Variants in OBSL1 observed in about 807,000 individuals in gnomAD.
OBSL1 encodes the protein obscurin-like protein 1.
OBSL1 carries 160 observed loss-of-function variants against 172.0 expected under a neutral mutation model. The ratio of observed to expected loss-of-function variants is 0.93; its 90% CI spans 0.82 to 1.06. The LOEUF (loss-of-function observed/expected upper bound fraction) is 1.06, where lower values mean the gene tolerates loss of function less well. Ranked by LOEUF, OBSL1 falls within the 50% of genes least tolerant of loss-of-function variation. The pLI, the probability that OBSL1 is intolerant of heterozygous loss-of-function variation, is 0.00. For synonymous variants in OBSL1, 1,200 were observed against 1,196.3 expected (o/e 1.00, Z -0.06); for missense variants, 2,681 against 2,715.4 (o/e 0.99, Z 0.28).
Position 219,557,616 on chromosome 2 carries a change from G to T in OBSL1, c.3793C>A (p.Pro1265Thr), listed in dbSNP as rs1278650927. Residue 1265 changes from proline (P) to threonine (T), a missense_variant and splice_region_variant, in exon 12 of 21, where the codon CCC becomes ACC. By Grantham distance (38) the Pro-to-Thr change is conservative. Transcript: ENST00000404537. ...TCGGGAGCTACCACCCGCACAGGGGGCTCTGTGGAGTCAGAGCTGGAGGTC... is the reference window on the plus strand; with the variant it reads ...TCGGGAGCTACCACCCGCACAGGGGTCTCTGTGGAGTCAGAGCTGGAGGTC... ...SLSFTVQVAE[P>T]PVRVVAPEAA... 2.0e-6 allele frequency: 3 copies of T among 1,535,338 alleles called. No homozygotes were observed. Among genetic ancestry groups the T allele is most frequent in the Non-Finnish European group, 2.6e-6 (3 of 1,137,652 alleles).
In OBSL1 at chr2:219,550,881, G is replaced by T. The variant is rs777822521; in HGVS notation, c.5684-39C>A. ...ACTCCACATGGGGCTGGGGAGAGAA[G>T]GGGGTACCACCTTCCTCTCCCCTGG... On this transcript the variant is annotated intron_variant, in intron 20 of 20. Coordinates refer to ENST00000404537, the MANE Select transcript of OBSL1 (RefSeq NM_015311.3). 8 of 1,604,392 alleles carry T rather than the reference G, an allele frequency of 5.0e-6. No homozygotes were observed. In the East Asian group the frequency reaches 1.6e-4, roughly 32 times the overall value.
At chr2:219,565,551 C>G (rs373904794) in intron 5 of OBSL1, 37 bp from the exon 6 acceptor site, 6 of 1,587,882 alleles carry the variant, frequency 3.8e-6, no homozygotes, top group Non-Finnish European at 3.4e-6. Flanking sequence ...ACCCCTCCCT[C>G]CGGTGCATGG....
At position 219,567,534 on chromosome 2, in the gene OBSL1, T is replaced by C; in HGVS notation, c.1576A>G (p.Met526Val). ...ACCGTGTTCTTGTGGCCCTTGAACA[T>C]CTCTGCCAATATGGGGGGTCCTGGG... ...SPPGPPILAE[M>V]FKGHKNTVLL... Residue 526 changes from methionine to valine, a missense_variant, in exon 4 of 21, where the codon ATG becomes GTG. Met to Val is a conservative substitution (Grantham distance 21). Around this residue, in one of 5 missense-constraint regions of OBSL1, gnomAD observed 706 missense variants for 695.8 expected, o/e 1.01. Coordinates refer to ENST00000404537, the MANE Select transcript of OBSL1 (RefSeq NM_015311.3). The C allele has an allele frequency of 6.2e-7, 1 of 1,612,890 alleles. No individual in the cohort carries two copies.
chr2:219,550,499 T>A (rs1695543377), downstream of OBSL1: 1 of 355,330 alleles, frequency 2.8e-6, no homozygotes, highest in Non-Finnish European at 5.2e-6. Context: ...CTGGTGTCTG[T>A]CATGCCAACC....
At chr2:219,562,941 C>T in intron 7 of OBSL1, 1 of 548,764 alleles carries the variant, frequency 1.8e-6, no homozygotes, top group East Asian at 2.9e-5. Flanking sequence ...TCCACATTCT[C>T]TGGGTTGGGA....
intron 1 of OBSL1, chr2:219,569,302 G>A (rs1697170349): frequency 6.6e-6 from 1 of 152,112 alleles, no homozygotes; most frequent in African/African-American, 2.4e-5. Flanking sequence ...CAGCCTGGGG[G>A]CAACATGCTT....
intron 19 of OBSL1, 24 bp downstream of exon 19, chr2:219,552,088 G>A (rs751091418): frequency 1.9e-5 from 30 of 1,580,434 alleles, no homozygotes; most frequent in South Asian, 1.3e-4. Flanking sequence ...TACACTCTCT[G>A]TCGCTCCCAC....
Position 219,563,276 on chromosome 2 carries a change from G to T in OBSL1, c.2680+79C>A. 1.8e-5 allele frequency: 25 copies of T among 1,400,440 alleles called. No individual in the cohort carries two copies. The South Asian group carries it at 3.7e-4, about 21-fold the overall frequency. The allele number at this position is 1,400,440 out of a possible 1,614,324, so 86.8% of individuals were successfully genotyped here. A position where few individuals can be genotyped will look rare whatever the true frequency, so the allele number is the denominator to read the frequency against. ...AGTAGGGGCGGGGAACAGTGGCCTG[G>T]GAGTGAAGGTGTGGCAGCTGTTCCA... On this transcript the variant is annotated intron_variant, in intron 7 of 20. Coordinates refer to ENST00000404537, the MANE Select transcript of OBSL1 (RefSeq NM_015311.3).
At chr2:219,549,957 G>A (rs1412794592), downstream of OBSL1, 2 of 1,461,326 alleles carry the variant, frequency 1.4e-6, no homozygotes, top group East Asian at 2.3e-5. Flanking sequence ...CCTCTCCCCA[G>A]CCTGGAGAGG....
In OBSL1 at chr2:219,567,526, C is replaced by G. The variant is rs1424872527; in HGVS notation, c.1584G>C (p.Lys528Asn). The change falls in exon 4 of 21, where the codon AAG becomes AAC. Residue 528 changes from lysine to asparagine, a missense_variant. By Grantham distance (94) the Lys-to-Asn change is moderately conservative (BLOSUM62 0). Around this residue, in one of 5 missense-constraint regions of OBSL1, gnomAD observed 706 missense variants for 695.8 expected, o/e 1.01. Transcript: ENST00000404537. Reference protein sequence around the residue: ...PGPPILAEMFKGHKNTVLLTW... With the variant: ...PGPPILAEMFNGHKNTVLLTW... ...TCAACAGGACCGTGTTCTTGTGGCC[C>G]TTGAACATCTCTGCCAATATGGGGG... 2 of 1,613,198 alleles carry G rather than the reference C, an allele frequency of 1.2e-6. No individual in the cohort carries two copies. Among genetic ancestry groups the G allele is most frequent in the Non-Finnish European group, 1.7e-6 (2 of 1,179,436 alleles).
rs752693871 is a variant in OBSL1, at chr2:219,556,643, C to T, written c.4147G>A (p.Val1383Ile). Reference protein sequence around the residue: ...EGDDATFRCEVSPPDADVTWL... With the variant: ...EGDDATFRCEISPPDADVTWL... Reference sequence around the variant, plus strand: ...GTGACATCGGCATCTGGTGGGGAGACTTCACACCGGAACGTGGCATCATCG... The same window carrying T: ...GTGACATCGGCATCTGGTGGGGAGATTTCACACCGGAACGTGGCATCATCG... The change falls in exon 13 of 21, where the codon GTC (valine) becomes ATC (isoleucine). Residue 1383 changes from valine (V) to isoleucine (I), a missense_variant. Val to Ile is a conservative substitution (Grantham distance 29). Transcript: ENST00000404537. 1.1e-4 allele frequency: 184 copies of T among 1,613,552 alleles called. No individual in the cohort carries two copies. Among genetic ancestry groups the T allele is most frequent in the Non-Finnish European group, 1.5e-4 (180 of 1,179,636 alleles).
intron 12 of OBSL1, 51 bp downstream of exon 12, chr2:219,557,292 G>A: frequency 7.0e-7 from 1 of 1,425,576 alleles, no homozygotes; most frequent in Non-Finnish European, 9.2e-7. Flanking sequence ...GAAAGTGGCA[G>A]ATGGTCCTTG....
intron 1 of OBSL1, among the ~76,000 whole-genome samples, chr2:219,569,802 T>C (rs1026512163): frequency 2.0e-5 from 3 of 152,250 alleles, no homozygotes; most frequent in African/African-American, 4.8e-5. Context: ...GTACCTGTTA[T>C]ATACGTAGAC....
Position 219,552,202 on chromosome 2 carries a change from G to C in OBSL1, c.5323C>G (p.Leu1775Val), listed in dbSNP as rs1272480047. The C allele has an allele frequency of 1.2e-6, 2 of 1,606,448 alleles. No individual in the cohort carries two copies. Among genetic ancestry groups the C allele is most frequent in the Non-Finnish European group, 8.5e-7 (1 of 1,177,060 alleles). The change falls in exon 19 of 21, where the codon CTG becomes GTG. Residue 1775 changes from leucine to valine, a missense_variant. Transcript: ENST00000404537. ...RIRQEGKKHI[L>V]VLSELRAEDA... ...TCGGCGCGCAGCTCGCTAAGCACCA[G>C]AATGTGTTTCTTCCCTGGGGGTGAG...
chr2:219,551,865 C>T (rs1411310749), intron 19 of OBSL1, 67 bp from the exon 20 acceptor site: 1 of 1,054,118 alleles, frequency 9.5e-7, no homozygotes, highest in Non-Finnish European at 1.4e-6. Flanking sequence ...AGAGATGCAT[C>T]TTCCCTCCCT....
At chr2:219,551,140 G>T in intron 20 of OBSL1, 1 of 1,398,148 alleles carries the variant, frequency 7.2e-7, no homozygotes. Context: ...GCTGAGATGG[G>T]CAGAGGCAAG....
downstream of OBSL1, chr2:219,547,866 C>T: frequency 6.3e-7 from 1 of 1,589,918 alleles, no homozygotes; most frequent in East Asian, 2.2e-5. Context: ...ACCCTGGCCA[C>T]CGCCGTGACT....
chr2:219,553,015 C>T lies in OBSL1; in HGVS notation c.4999G>A (p.Ala1667Thr), dbSNP rs906839897. 1.3e-6 allele frequency: 2 copies of T among 1,512,590 alleles called. No individual in the cohort carries two copies. Among genetic ancestry groups the T allele is most frequent in the African/African-American group, 1.4e-5 (1 of 69,926 alleles). 93.7% of individuals were successfully genotyped at this position (1,512,590 alleles called of 1,614,324 possible). A position where few individuals can be genotyped will look rare whatever the true frequency, so the allele number is the denominator to read the frequency against. Residue 1667 changes from alanine (A) to threonine (T), a missense_variant, in exon 17 of 21, where the codon GCG becomes ACG. Coordinates refer to ENST00000404537, the MANE Select transcript of OBSL1 (RefSeq NM_015311.3). ...ADVTWEKDGN[A>T]LTPSPRLRLQ... Reference sequence around the variant, plus strand: ...CGGAGCCGCGGGCTAGGCGTAAGCGCGTTCCCGTCCTAGGGGCGGGAGTTG... The same window carrying T: ...CGGAGCCGCGGGCTAGGCGTAAGCGTGTTCCCGTCCTAGGGGCGGGAGTTG...
intron 7 of OBSL1, 152 bp from the exon 8 acceptor site, chr2:219,562,826 A>T: frequency 2.6e-6 from 2 of 777,016 alleles, no homozygotes; most frequent in Non-Finnish European, 4.0e-6. Flanking sequence ...AGTTACTCAC[A>T]GCTAGAGACA....
Sources: allele counts gnomAD v4.1 joint callset (sites outside exome capture counted in the v4.1 genomes callset), GRCh38; gene constraint gnomAD v4.1.1; regional missense constraint gnomAD v4.1.1; transcripts MANE v1.5; gene names NCBI Gene and HGNC (gene_info 2026-07-23, HGNC 2026-07-21).